The following CEP290 variants were observed in gnomAD, a reference collection of about 807,000 sequenced individuals.
CEP290 encodes centrosomal protein of 290 kDa.
Under a neutral mutation model 344.9 loss-of-function variants are expected in CEP290, and 317 were observed. The observed-to-expected ratio is 0.92, with a 90% CI of 0.84 to 1.01. The LOEUF (loss-of-function observed/expected upper bound fraction) is 1.01. CEP290 is among the 50% of genes least tolerant of loss of function. CEP290 has a pLI of 0.00. For synonymous variants in CEP290, 932 were observed against 895.8 expected, an observed-to-expected ratio of 1.04 and a Z score of -0.72; for missense variants, 2,754 against 2,761.4, an observed-to-expected ratio of 1.00 and a Z score of 0.06.
At chr12:88,059,856 A>C (rs1053276840) in intron 48 of CEP290, 42 bp downstream of exon 48, 4 of 1,503,970 alleles carry the variant, frequency 2.7e-6, no homozygotes, top group Non-Finnish European at 3.6e-6. Flanking sequence ...GGTATTAAGT[A>C]AAATAAAAAT....
chr12:88,059,217 C>T (rs947749928), intron 48 of CEP290, among the ~76,000 whole-genome samples, 197 bp from the exon 49 acceptor site: 8 of 152,072 alleles, frequency 5.3e-5, no homozygotes, highest in African/African-American at 1.2e-4. Context: ...CAACAGATCA[C>T]GAAAATGAGG....
intron 41 of CEP290, 98 bp from the exon 42 acceptor site, chr12:88,072,024 A>C (rs1014790667): frequency 2.3e-5 from 25 of 1,100,646 alleles, no homozygotes; most frequent in Middle Eastern, 5.6e-4. Flanking sequence ...ATTGTAAACT[A>C]ATATTTCCTA....
intron 26 of CEP290, among the ~76,000 whole-genome samples, chr12:88,098,465 A>G (rs1329232009): frequency 3.3e-5 from 5 of 151,818 alleles, no homozygotes; most frequent in African/African-American, 1.2e-4. Context: ...ACAAAAAATT[A>G]GCTGAGCATG....
rs1166115017 is a variant in CEP290 at position 88,077,243 on chromosome 12, G to A, written c.5688C>T (p.Asp1896=). The change falls in exon 41 of 54, where the codon GAC becomes GAT. Residue 1896 remains aspartate (D), a synonymous_variant. Transcript: ENST00000552810. The part of the protein sequence containing the change: ...NQLEGKVEEV[D]LKPMKEKNAK... ...ATACCTTTTCTTTCATAGGTTTTAG[G>A]TCTACTTCCTCCACCTTTCCCTCTA... 2 of 1,604,160 alleles carry A rather than the reference G, an allele frequency of 1.2e-6. No homozygotes were observed. The highest frequency in any genetic ancestry group is 2.7e-5 in the African/African-American group (2 of 74,326).
At chr12:88,060,418 G>T (rs924755709) in intron 47 of CEP290, among the ~76,000 whole-genome samples, 14 of 152,156 alleles carry the variant, frequency 9.2e-5, no homozygotes, top group African/African-American at 3.4e-4. Flanking sequence ...AGTTAGCCAG[G>T]CGTGGTGGTG....
intron 41 of CEP290, among the ~76,000 whole-genome samples, chr12:88,073,153 C>T (rs1241840956): frequency 6.6e-6 from 1 of 152,188 alleles, no homozygotes; most frequent in Non-Finnish European, 1.5e-5. Context: ...AACATATTCA[C>T]ACTAAGTAAT....
intron 32 of CEP290, 136 bp downstream of exon 32, chr12:88,087,644 C>A (rs909053828): frequency 1.0e-5 from 3 of 297,742 alleles, no homozygotes; most frequent in Non-Finnish European, 1.8e-5. Context: ...GGCATGAACC[C>A]GGGAGGCAGA....
At chr12:88,065,184 A>G (rs2034814469) in intron 44 of CEP290, among the ~76,000 whole-genome samples, 1 of 151,684 alleles carries the variant, frequency 6.6e-6, no homozygotes, top group African/African-American at 2.4e-5. Flanking sequence ...CACAACTTTC[A>G]TTTTTTTCTC....
At chr12:88,123,411 T>G (rs1285120329) in intron 13 of CEP290, among the ~76,000 whole-genome samples, 1 of 152,130 alleles carries the variant, frequency 6.6e-6, no homozygotes, top group African/African-American at 2.4e-5. Context: ...GAACCAAAAA[T>G]GACCATTGCT....
At chr12:88,111,548 T>A (rs1295843527) in intron 21 of CEP290, 146 bp downstream of exon 21, 1 of 846,480 alleles carries the variant, frequency 1.2e-6, no homozygotes, top group Admixed American at 3.8e-5. Context: ...CTTATAATTT[T>A]ATAAGAGAAA....
rs543621728 is a variant in CEP290 at position 88,089,084 on chromosome 12, T to C, written c.3977A>G (p.Lys1326Arg). 3.2e-6 allele frequency: 5 copies of C among 1,541,336 alleles called. No homozygotes were observed. The African/African-American group carries it at 6.9e-5, about 21-fold the overall frequency. ...NKTLEMELKL[K>R]GLEELISTLK... ...AGTGCTTATTAACTCTTCCAGGCCC[T>C]TTAATTTTAATTCCATCTCCAATGT... Residue 1326 changes from lysine (K) to arginine (R), a missense_variant, in exon 31 of 54, where the codon AAG (lysine) becomes AGG (arginine). Coordinates refer to ENST00000552810, the MANE Select transcript of CEP290 (RefSeq NM_025114.4).
intron 49 of CEP290, chr12:88,057,927 A>T (rs1040426241): frequency 2.0e-5 from 3 of 152,296 alleles, no homozygotes; most frequent in Non-Finnish European, 2.9e-5. Flanking sequence ...GGGACATTGG[A>T]GGTGCATGGA....
intron 15 of CEP290, among the ~76,000 whole-genome samples, chr12:88,119,815 T>C (rs1029259888): frequency 6.6e-6 from 1 of 151,980 alleles, no homozygotes; most frequent in Non-Finnish European, 1.5e-5. Flanking sequence ...AAAAAAAAGG[T>C]TAATCTCTGA....
At chr12:88,139,956 A>G (rs761898665) in intron 3 of CEP290, among the ~76,000 whole-genome samples, 6 of 152,032 alleles carry the variant, frequency 3.9e-5, no homozygotes, top group Non-Finnish European at 8.8e-5. Context: ...AGGACTCACT[A>G]TATTATCCAG....
At chr12:88,112,125 C>T (rs999475664) in intron 20 of CEP290, among the ~76,000 whole-genome samples, 18 of 152,014 alleles carry the variant, frequency 1.2e-4, no homozygotes, top group East Asian at 5.8e-4. Flanking sequence ...AACAACCAGA[C>T]GGGAATAAGA....
intron 27 of CEP290, 81 bp from the exon 28 acceptor site, chr12:88,094,056 A>C: frequency 1.9e-6 from 2 of 1,070,540 alleles, no homozygotes; most frequent in Non-Finnish European, 2.6e-6. Context: ...GTATATTAGA[A>C]AGCATTATAG....
Position 88,095,233 on chromosome 12 carries a change from C to T in CEP290, c.3104-1258G>A, listed in dbSNP as rs73412693. On this transcript the variant is annotated intron_variant, in intron 27 of 53. Transcript: ENST00000552810. ...AGCACATCACAAAGGCTGAAGCAGACTAGCCATCTTGTATGTTTTTGGGTT... is the reference window on the plus strand; with the variant it reads ...AGCACATCACAAAGGCTGAAGCAGATTAGCCATCTTGTATGTTTTTGGGTT... Among the ~76,000 whole-genome samples, 488 of 152,180 alleles carry T rather than the reference C, an allele frequency of 3.2e-3. 5 individuals are homozygous for T. The highest frequency in any genetic ancestry group is 0.011 in the African/African-American group (456 of 41,516).
chr12:88,049,214 T>G lies in CEP290; in HGVS notation c.7410A>C (p.Glu2470Asp). 6.3e-7 allele frequency: 1 copy of G among 1,599,678 alleles called. No homozygotes were observed. Among genetic ancestry groups the G allele is most frequent in the Non-Finnish European group, 8.5e-7 (1 of 1,176,222 alleles). The stretch of plus-strand genomic sequence containing the variant: ...AAATGGGGAAATTAACAGGACTTTC[T>G]TCTTCATCTTCAAACTCTTCAGAAG... Reference protein sequence around the residue: ...VAASEEFEDEEESPVNFPIY With the variant: ...VAASEEFEDEDESPVNFPIY Residue 2470 changes from glutamate to aspartate, a missense_variant, in exon 54 of 54, where the codon GAA (glutamate) becomes GAC (aspartate). Coordinates refer to ENST00000552810, the MANE Select transcript of CEP290 (RefSeq NM_025114.4).
intron 12 of CEP290, among the ~76,000 whole-genome samples, chr12:88,125,696 G>T (rs1009128240): frequency 3.3e-5 from 5 of 151,816 alleles, no homozygotes; most frequent in Non-Finnish European, 7.4e-5. Context: ...CATTTTGTAT[G>T]TTTCTGTTTT....
Sources: allele counts gnomAD v4.1 joint callset (sites outside exome capture counted in the v4.1 genomes callset), GRCh38; gene constraint gnomAD v4.1.1; transcripts MANE v1.5; gene names NCBI Gene and HGNC (gene_info 2026-07-23, HGNC 2026-07-21).